SCN7A: variants seen among roughly 807,000 people sequenced by gnomAD.
The protein encoded by SCN7A is sodium voltage-gated channel alpha subunit 7, also known as sodium channel protein type 7 subunit alpha.
A neutral mutation model predicts 155.2 loss-of-function variants in SCN7A; 138 were observed. The observed-to-expected ratio is 0.89, with a 90% CI of 0.77 to 1.02. SCN7A has a LOEUF of 1.02. Among genes scored for constraint, SCN7A ranks in the 50% least tolerant of loss-of-function variants. The probability of loss-of-function intolerance (pLI) is 0.00; values close to 1 mark genes in which losing one functional copy is unlikely to be tolerated. For synonymous variants in SCN7A, 693 were observed against 649.0 expected, an observed-to-expected ratio of 1.07 and a Z score of -1.03; for missense variants, 2,058 against 1,986.6, an observed-to-expected ratio of 1.04 and a Z score of -0.68.
intron 1 of SCN7A, among the ~76,000 whole-genome samples, chr2:166,493,136 G>A (rs1424165046): frequency 2.0e-5 from 3 of 152,108 alleles, no homozygotes; most frequent in South Asian, 2.1e-4. Flanking sequence ...CTTCTACTTT[G>A]CCATAAATTG....
At chr2:166,440,084 A>G (rs746754421) in intron 15 of SCN7A, among the ~76,000 whole-genome samples, 2 of 152,218 alleles carry the variant, frequency 1.3e-5, no homozygotes, top group Non-Finnish European at 2.9e-5. Flanking sequence ...GAACCACTTC[A>G]GTTATTAGGA....
At chr2:166,441,270 G>A in intron 15 of SCN7A, 126 bp downstream of exon 15, 1 of 614,902 alleles carries the variant, frequency 1.6e-6, no homozygotes, top group Non-Finnish European at 2.8e-6. Context: ...GCCACATCTG[G>A]CTAGTGGGTT....
intron 20 of SCN7A, among the ~76,000 whole-genome samples, chr2:166,418,788 A>G (rs1701446118): frequency 1.3e-5 from 2 of 152,206 alleles, no homozygotes; most frequent in South Asian, 4.1e-4. Flanking sequence ...TAGTTGACAC[A>G]TATATTTGAA....
At position 166,416,996 on chromosome 2, in the gene SCN7A, TA is replaced by T; in HGVS notation, c.3136-12del. On this transcript the variant is annotated splice_polypyrimidine_tract_variant and intron_variant, in intron 20 of 25. Coordinates refer to ENST00000643258, the MANE Select transcript of SCN7A (RefSeq NM_002976.4). ...AGCTCTCACAACCACCTGGTATATA[TA>T]AAAAATGTAAACTTTAGATAGGAAA... The T allele has an allele frequency of 6.5e-7, 1 of 1,539,624 alleles. No individual in the cohort carries two copies. The highest frequency in any genetic ancestry group is 8.7e-7 in the Non-Finnish European group (1 of 1,143,464).
At chr2:166,475,979 A>G (rs1369279374) in intron 3 of SCN7A, among the ~76,000 whole-genome samples, 2 of 151,956 alleles carry the variant, frequency 1.3e-5, no homozygotes, top group African/African-American at 4.8e-5. Flanking sequence ...ATGTCTGTAC[A>G]TGCAGCAGGG....
chr2:166,410,592 G>A (rs560594738), intron 23 of SCN7A, among the ~76,000 whole-genome samples: 2 of 152,000 alleles, frequency 1.3e-5, no homozygotes, highest in African/African-American at 2.4e-5. Flanking sequence ...TTTTCACATA[G>A]GGTTGTAAAA....
intron 5 of SCN7A, among the ~76,000 whole-genome samples, chr2:166,473,000 C>G (rs907128769): frequency 6.6e-6 from 1 of 151,616 alleles, no homozygotes; most frequent in African/African-American, 2.4e-5. Flanking sequence ...AGGGGAGCAA[C>G]AGACACTGGG....
rs1702730964 is a variant in SCN7A, at chr2:166,474,327, A to C, written c.252T>G (p.Asn84Lys). ...YKKKNTFIVL[N>K]KNRTIFRFNA... ...TGAATCTGAAGATTGTTCTATTTTT[A>C]TTTAATACTATGAAAGTCTGTAAGA... Residue 84 changes from asparagine to lysine, a missense_variant, in exon 4 of 26, where the codon AAT (asparagine) becomes AAG (lysine). Coordinates refer to ENST00000643258, the MANE Select transcript of SCN7A (RefSeq NM_002976.4). The C allele has an allele frequency of 1.3e-6, 2 of 1,484,700 alleles. No individual in the cohort carries two copies. Among genetic ancestry groups the C allele is most frequent in the South Asian group, 2.5e-5 (2 of 79,410 alleles). 92.0% of individuals were successfully genotyped at this position (1,484,700 alleles called of 1,614,324 possible).
At chr2:166,414,285 TACAC>T (rs1187091831) in intron 21 of SCN7A, among the ~76,000 whole-genome samples, 22 of 26,122 alleles carry the variant, frequency 8.4e-4, no homozygotes, top group South Asian at 2.2e-3. Context: ...TATATATATA[TACAC>T]ACACATATAT....
Position 166,407,823 on chromosome 2 carries a change from ATGG to A in SCN7A, c.3983-1180_3983-1178del, listed in dbSNP as rs531910489. Among the ~76,000 whole-genome samples the A allele has an allele frequency of 2.0e-3, 307 of 151,974 alleles. 1 individual carries two copies. The highest frequency in any genetic ancestry group is 7.1e-3 in the African/African-American group (294 of 41,460). On this transcript the variant is annotated intron_variant, in intron 25 of 25. Coordinates refer to ENST00000643258, the MANE Select transcript of SCN7A (RefSeq NM_002976.4). ...TTTGTTACACAGGTATACATGTGCC[ATGG>A]TGGTTTGCTGCACCTATCGACCTGT...
At position 166,441,600 on chromosome 2, in the gene SCN7A, C is replaced by A. The variant is rs1701961882; in HGVS notation, c.1953G>T (p.Lys651Asn). 6.2e-7 allele frequency: 1 copy of A among 1,613,764 alleles called. No homozygotes were observed. The highest frequency in any genetic ancestry group is 1.3e-5 in the African/African-American group (1 of 74,886). The change falls in exon 15 of 26, where the codon AAG becomes AAT. Residue 651 changes from lysine (K) to asparagine (N), a missense_variant. Lys to Asn is a moderately conservative substitution (Grantham distance 94). Transcript: ENST00000643258. ...TGTGGCAGACAAATTCTTCATAATT[C>A]TTACCAAACAGCTTCATGCCGAATG... ...SAAFGMKLFG[K>N]NYEEFVCHID...
At chr2:166,456,130 TC>T (rs1702268617) in intron 11 of SCN7A, among the ~76,000 whole-genome samples, 1 of 152,118 alleles carries the variant, frequency 6.6e-6, no homozygotes, top group South Asian at 2.1e-4. Context: ...CACCGCATGT[TC>T]TCACTCATAA....
At chr2:166,422,468 G>A (rs971294094) in intron 19 of SCN7A, among the ~76,000 whole-genome samples, 3 of 152,084 alleles carry the variant, frequency 2.0e-5, no homozygotes, top group Non-Finnish European at 4.4e-5. Flanking sequence ...TGTAAGGAAA[G>A]ACCTTCAAAG....
chr2:166,475,105 TATATATATATATATAC>T (rs1702759530), intron 3 of SCN7A, among the ~76,000 whole-genome samples: 2 of 89,188 alleles, frequency 2.2e-5, no homozygotes, highest in African/African-American at 1.3e-4. Flanking sequence ...CATATATATG[TATATATATATATATAC>T]ATATATATAT....
chr2:166,423,526 G>T, intron 18 of SCN7A, 94 bp from the exon 19 acceptor site: 1 of 1,342,612 alleles, frequency 7.4e-7, no homozygotes, highest in Non-Finnish European at 9.8e-7. Context: ...GTCTCTAATA[G>T]GCATATGGTG....
At chr2:166,441,955 T>A (rs1035070321) in intron 14 of SCN7A, among the ~76,000 whole-genome samples, 1 of 152,224 alleles carries the variant, frequency 6.6e-6, no homozygotes, top group Non-Finnish European at 1.5e-5. Flanking sequence ...TCTATACATA[T>A]CCTCTTCTAC....
At chr2:166,457,389 T>A (rs1702308242) in intron 10 of SCN7A, among the ~76,000 whole-genome samples, 2 of 152,208 alleles carry the variant, frequency 1.3e-5, no homozygotes, top group Admixed American at 1.3e-4. Context: ...ATAATTGTCA[T>A]CTCTTGATAT....
At chr2:166,486,025 A>G (rs1703038142) in intron 2 of SCN7A, among the ~76,000 whole-genome samples, 1 of 152,146 alleles carries the variant, frequency 6.6e-6, no homozygotes, top group African/African-American at 2.4e-5. Flanking sequence ...ATGCAACCAG[A>G]TTATAACTTG....
At chr2:166,489,123 C>T (rs1280817264) in intron 1 of SCN7A, among the ~76,000 whole-genome samples, 1 of 152,046 alleles carries the variant, frequency 6.6e-6, no homozygotes, top group Non-Finnish European at 1.5e-5. Flanking sequence ...TAGTATATTG[C>T]TATCATGGAA....
Sources: gnomAD v4.1 joint callset for allele counts (sites outside exome capture counted in the v4.1 genomes callset) on GRCh38, gnomAD v4.1.1 for gene constraint, MANE v1.5 for transcripts, NCBI Gene and HGNC (gene_info 2026-07-23, HGNC 2026-07-21) for gene names.